Variants in NPHP3 observed in about 807,000 individuals in gnomAD.
The protein encoded by NPHP3 is nephrocystin-3.
A neutral mutation model predicts 171.9 loss-of-function variants in NPHP3; 123 were observed. That is an observed-to-expected ratio of 0.72 (90% CI 0.62 to 0.83). The LOEUF (loss-of-function observed/expected upper bound fraction) is 0.83. Among genes scored for constraint, NPHP3 ranks in the 40% least tolerant of loss-of-function variants. The pLI is 0.00. For synonymous variants in NPHP3, 558 were observed against 579.2 expected, an observed-to-expected ratio of 0.96 and a Z score of 0.52; for missense variants, 1,506 against 1,591.9, an observed-to-expected ratio of 0.95 and a Z score of 0.92.
intron 1 of NPHP3, among the ~76,000 whole-genome samples, chr3:132,720,737 A>G (rs1560018090): frequency 6.6e-6 from 1 of 152,110 alleles, no homozygotes; most frequent in Non-Finnish European, 1.5e-5. Flanking sequence ...TTTCTTTTAG[A>G]AAAATCAGTC....
intron 26 of NPHP3, 125 bp downstream of exon 26, chr3:132,682,578 T>C (rs1038319287): frequency 1.5e-6 from 1 of 680,594 alleles, no homozygotes; most frequent in African/African-American, 1.8e-5. Context: ...TTGAAGTCAG[T>C]CAGCAAAAAA....
At chr3:132,689,317 C>T in intron 19 of NPHP3, 54 bp from the exon 20 acceptor site, 2 of 1,567,872 alleles carry the variant, frequency 1.3e-6, no homozygotes, top group Admixed American at 1.7e-5. Context: ...AAATCCATTA[C>T]AGAATCAAAA....
At chr3:132,682,273 A>T (rs1193853275) in intron 26 of NPHP3, 183 bp from the exon 27 acceptor site, 1 of 624,012 alleles carries the variant, frequency 1.6e-6, no homozygotes, top group Non-Finnish European at 2.8e-6. Context: ...TACCAGTATC[A>T]GTATTTTTGT....
chr3:132,690,702 T>G, intron 18 of NPHP3, 52 bp from the exon 19 acceptor site: 1 of 1,588,094 alleles, frequency 6.3e-7, no homozygotes, highest in Non-Finnish European at 8.6e-7. Flanking sequence ...TGAGACTGCT[T>G]CAAAAAGGCT....
Position 132,722,312 on chromosome 3 carries a change from A to C in NPHP3, c.44T>G (p.Val15Gly), listed in dbSNP as rs1940258583. Residue 15 changes from valine to glycine, a missense_variant, in exon 1 of 27, where the codon GTG (valine) becomes GGG (glycine). This residue lies in a region of NPHP3 where 930 missense variants were observed against 924.9 expected (regional missense o/e 1.01). Coordinates refer to ENST00000337331, the MANE Select transcript of NPHP3 (RefSeq NM_153240.5). ...SSLVSPAGGE[V>G]IEDTYGAGGG... ...GCCCGCCCCGTACGTGTCCTCGATC[A>C]CTTCCCCGCCCGCGGGGCTCACGAG... 4 of 1,580,738 alleles carry C rather than the reference A, an allele frequency of 2.5e-6. No individual in the cohort carries two copies. The highest frequency in any genetic ancestry group is 2.6e-6 in the Non-Finnish European group (3 of 1,172,554).
In NPHP3 at chr3:132,703,265, G is replaced by A. The variant is rs6778742; in HGVS notation, c.1524+933C>T. Among the ~76,000 whole-genome samples the A allele has an allele frequency of 3.8e-3, 571 of 152,212 alleles. 3 individuals are homozygous for A. Among genetic ancestry groups the A allele is most frequent in the Non-Finnish European group, 6.6e-3 (447 of 68,002 alleles). On this transcript the variant is annotated intron_variant, in intron 9 of 26. Coordinates refer to ENST00000337331, the MANE Select transcript of NPHP3 (RefSeq NM_153240.5). Reference sequence around the variant, plus strand: ...TAAATGATGGAACCAGGACATTAACGGACAGTCTAAATTCAAAAAGTTCTG... The same window carrying A: ...TAAATGATGGAACCAGGACATTAACAGACAGTCTAAATTCAAAAAGTTCTG...
Position 132,719,035 on chromosome 3 carries a change from G to T in NPHP3, c.629C>A (p.Pro210His). The T allele has an allele frequency of 6.2e-7, 1 of 1,614,050 alleles. No homozygotes were observed. Among genetic ancestry groups the T allele is most frequent in the Non-Finnish European group, 8.5e-7 (1 of 1,179,988 alleles). Residue 210 changes from proline (P) to histidine (H), a missense_variant, in exon 3 of 27, where the codon CCT becomes CAT. Coordinates refer to ENST00000337331, the MANE Select transcript of NPHP3 (RefSeq NM_153240.5). ...GTTGTCATCTGAATCAGACTCCCCA[G>T]GATCAAATACTTGGATACCCTGAGC... is the stretch of plus-strand genomic sequence containing the variant. Reference protein sequence around the residue: ...LQAQGIQVFDPGESDSDDNCT... With the variant: ...LQAQGIQVFDHGESDSDDNCT...
chr3:132,704,366 T>C lies in NPHP3; in HGVS notation c.1356A>G (p.Ile452Met), dbSNP rs376197505. ...ICVEKIIKQD[I>M]LGFENTDLET... is the part of the protein sequence containing the mutation. ...CCAAGTCTGTGTTCTCAAAACCCAG[T>C]ATGTCCTAAACACAAAGAACAACCA... Residue 452 changes from isoleucine (I) to methionine (M), a missense_variant, in exon 9 of 27, where the codon ATA (isoleucine) becomes ATG (methionine). Physicochemically the swap from Ile to Met is conservative, Grantham distance 10. Around this residue, in one of 3 missense-constraint regions of NPHP3, gnomAD observed 930 missense variants for 924.9 expected, o/e 1.01. Transcript: ENST00000337331. 6.2e-7 allele frequency: 1 copy of C among 1,614,074 alleles called. No individual in the cohort carries two copies. The highest frequency in any genetic ancestry group is 8.5e-7 in the Non-Finnish European group (1 of 1,179,966).
At chr3:132,688,607 C>T (rs1939219889) in intron 21 of NPHP3, 43 bp downstream of exon 21, 1 of 1,601,104 alleles carries the variant, frequency 6.2e-7, no homozygotes. Context: ...AAACTGTAAT[C>T]CCCCTGCATA....
chr3:132,682,951 A>G, intron 25 of NPHP3, 133 bp from the exon 26 acceptor site: 1 of 672,062 alleles, frequency 1.5e-6, no homozygotes, highest in East Asian at 2.7e-5. Flanking sequence ...AAACAGATTA[A>G]CTTATGAATA....
At chr3:132,684,973 C>A (rs533769348) in intron 23 of NPHP3, 179 bp from the exon 24 acceptor site, 7 of 680,932 alleles carry the variant, frequency 1.0e-5, no homozygotes, top group Non-Finnish European at 1.7e-5. Context: ...CTGCCCTTTT[C>A]CTGACAGTTT....
Position 132,683,521 on chromosome 3 carries a change from T to A in NPHP3, c.3574A>T (p.Lys1192Ter). The change falls in exon 25 of 27, where the codon AAA becomes TAA. Residue 1192 changes from lysine to a stop codon, truncating the protein, a stop_gained. Coordinates refer to ENST00000337331, the MANE Select transcript of NPHP3 (RefSeq NM_153240.5). LOFTEE classifies it high-confidence loss of function. ...HLAILYKKMGKLDKAVPLYEL... is the reference protein window; with the variant it reads ...HLAILYKKMG ...TACAAAGGTACAGCTTTGTCAAGTT[T>A]CCCCTAAAAAACAAGAGTTAAATCT... 1.2e-6 allele frequency: 2 copies of A among 1,611,930 alleles called. No homozygotes were observed. Among genetic ancestry groups the A allele is most frequent in the Non-Finnish European group, 1.7e-6 (2 of 1,178,654 alleles).
intron 12 of NPHP3, 96 bp from the exon 13 acceptor site, chr3:132,699,546 T>C (rs746904253): frequency 1.9e-5 from 16 of 860,196 alleles, no homozygotes; most frequent in Non-Finnish European, 2.9e-5. Context: ...CTCATTAAGT[T>C]TATCTTATTA....
chr3:132,694,705 A>T, intron 16 of NPHP3, 122 bp downstream of exon 16: 1 of 1,070,552 alleles, frequency 9.3e-7, no homozygotes, highest in Non-Finnish European at 1.4e-6. Flanking sequence ...TATGGCTATC[A>T]GCATTCCTGC....
chr3:132,710,306 C>G (rs1939874165), intron 6 of NPHP3, among the ~76,000 whole-genome samples: 1 of 150,444 alleles, frequency 6.6e-6, no homozygotes, highest in Non-Finnish European at 1.5e-5. Context: ...AGGGCTTCCA[C>G]TTGCCTAAAT....
intron 15 of NPHP3, among the ~76,000 whole-genome samples, chr3:132,696,508 A>G (rs537212855): frequency 3.9e-5 from 6 of 152,352 alleles, no homozygotes; most frequent in African/African-American, 1.4e-4. Flanking sequence ...AATAGGGAAC[A>G]GATTAGTGTG....
chr3:132,688,501 AT>A lies in NPHP3; in HGVS notation c.3125+148del, dbSNP rs2107967245. On this transcript the variant is annotated intron_variant, in intron 21 of 26. Transcript: ENST00000337331. Reference sequence around the variant, plus strand: ...GCATCTTCAAACAGAGATGAATCTTATAGTTCTCATTTTCTCTGTTTACCAC... The same window carrying A: ...GCATCTTCAAACAGAGATGAATCTTAAGTTCTCATTTTCTCTGTTTACCAC... 4 of 851,994 alleles carry A rather than the reference AT, an allele frequency of 4.7e-6. No individual in the cohort carries two copies. In the South Asian group the frequency reaches 5.6e-5, roughly 12 times the overall value. 52.8% of individuals were successfully genotyped at this position (851,994 alleles called of 1,614,324 possible). A position where few individuals can be genotyped will look rare whatever the true frequency, so the allele number is the denominator to read the frequency against.
chr3:132,694,717 T>C, intron 16 of NPHP3, 110 bp downstream of exon 16: 2 of 1,251,322 alleles, frequency 1.6e-6, no homozygotes, highest in Non-Finnish European at 2.3e-6. Flanking sequence ...CATTCCTGCA[T>C]ATGCCTGAAA....
chr3:132,705,430 G>C (rs906849166), intron 8 of NPHP3, among the ~76,000 whole-genome samples: 1 of 152,116 alleles, frequency 6.6e-6, no homozygotes, highest in Non-Finnish European at 1.5e-5. Flanking sequence ...TCACAGAGGA[G>C]CCTCCCTATT....
Sources: allele counts gnomAD v4.1 joint callset (sites outside exome capture counted in the v4.1 genomes callset), GRCh38; gene constraint gnomAD v4.1.1; regional missense constraint gnomAD v4.1.1; transcripts MANE v1.5; gene names NCBI Gene and HGNC (gene_info 2026-07-23, HGNC 2026-07-21).